GLI3: variants seen among roughly 807,000 people sequenced by gnomAD.
The protein encoded by GLI3 is transcription activator GLI3.
A neutral mutation model predicts 100.8 loss-of-function variants in GLI3; 20 were observed. That is an observed-to-expected ratio of 0.20 (90% confidence interval 0.14 to 0.29). The LOEUF (loss-of-function observed/expected upper bound fraction) is 0.29. Among genes scored for constraint, GLI3 ranks in the 10% least tolerant of loss-of-function variants. GLI3 has a pLI of 1.00. For synonymous variants in GLI3, 938 were observed against 860.5 expected, an observed-to-expected ratio of 1.09 and a Z score of -1.58; for missense variants, 2,040 against 2,128.5, an observed-to-expected ratio of 0.96 and a Z score of 0.82.
At chr7:42,261,714 A>T (rs1045078492) in intron 1 of GLI3, among the ~76,000 whole-genome samples, 1 of 152,244 alleles carries the variant, frequency 6.6e-6, no homozygotes, top group African/African-American at 2.4e-5. Context: ...AGACTGCAGG[A>T]TGAGGCAGTG....
chr7:42,030,650 C>A (rs1009235458), intron 7 of GLI3, among the ~76,000 whole-genome samples: 2 of 150,528 alleles, frequency 1.3e-5, no homozygotes, highest in African/African-American at 4.9e-5. Flanking sequence ...TTCATGTATT[C>A]ATTCCACAAT....
At chr7:41,976,053 C>T in intron 12 of GLI3, among the ~76,000 whole-genome samples, 1 of 152,138 alleles carries the variant, frequency 6.6e-6, no homozygotes, top group East Asian at 1.9e-4. Flanking sequence ...AGAATATCTT[C>T]ACCACCCCAA....
At position 41,965,253 on chromosome 7, in the gene GLI3, C is replaced by A. The variant is rs1288586938; in HGVS notation, c.3820G>T (p.Ala1274Ser). 1 of 1,613,582 alleles carries A rather than the reference C, an allele frequency of 6.2e-7. No individual in the cohort carries two copies. Among genetic ancestry groups the A allele is most frequent in the East Asian group, 2.2e-5 (1 of 44,876 alleles). ...APGALDGACG[A>S]GIQASKLKST... ...TTCAGCTTTGAGGCTTGAATCCCGG[C>A]ACCACAGGCACCGTCGAGTGCACCA... The change falls in exon 15 of 15, where the codon GCC (alanine) becomes TCC (serine). Residue 1274 changes from alanine to serine, a missense_variant. Physicochemically the swap from Ala to Ser is moderately conservative, Grantham distance 99. Around this residue, in one of 5 missense-constraint regions of GLI3, gnomAD observed 1,041 missense variants for 924.0 expected, o/e 1.13. Transcript: ENST00000395925.
chr7:42,187,074 G>A (rs371177440), intron 2 of GLI3, among the ~76,000 whole-genome samples: 51 of 151,860 alleles, frequency 3.4e-4, no homozygotes, highest in East Asian at 3.3e-3. Context: ...AGCTGGGTGC[G>A]TTGGCACAGG....
At chr7:41,998,589 C>T (rs930122734) in intron 10 of GLI3, among the ~76,000 whole-genome samples, 8 of 152,132 alleles carry the variant, frequency 5.3e-5, no homozygotes, top group African/African-American at 1.7e-4. Flanking sequence ...AAATCCATTA[C>T]TCCTAGTAAG....
At chr7:42,055,992 C>T (rs540226351) in intron 4 of GLI3, among the ~76,000 whole-genome samples, 1 of 152,156 alleles carries the variant, frequency 6.6e-6, no homozygotes, top group East Asian at 1.9e-4. Context: ...TTGAATGGGT[C>T]TCATGAGATC....
chr7:42,090,837 A>G (rs1785201648), intron 3 of GLI3, among the ~76,000 whole-genome samples: 1 of 152,248 alleles, frequency 6.6e-6, no homozygotes, highest in Admixed American at 6.5e-5. Flanking sequence ...CACTCTTCAT[A>G]TATTTTCTTG....
intron 2 of GLI3, among the ~76,000 whole-genome samples, chr7:42,204,325 T>C (rs1788106417): frequency 6.6e-6 from 1 of 152,072 alleles, no homozygotes; most frequent in African/African-American, 2.4e-5. Context: ...TTGCTTCTAC[T>C]GCTCTCTCAA....
At chr7:42,258,662 A>G (rs554688391) in intron 1 of GLI3, among the ~76,000 whole-genome samples, 4 of 152,352 alleles carry the variant, frequency 2.6e-5, no homozygotes, top group African/African-American at 9.6e-5. Flanking sequence ...GCAAGGTGCC[A>G]CAATGACTTC....
At chr7:42,208,691 GAACTAT>G (rs1253459184) in intron 2 of GLI3, among the ~76,000 whole-genome samples, 1 of 152,144 alleles carries the variant, frequency 6.6e-6, no homozygotes, top group African/African-American at 2.4e-5. Flanking sequence ...AAGCCATGAT[GAACTAT>G]AACTACATAA....
intron 2 of GLI3, among the ~76,000 whole-genome samples, chr7:42,181,504 C>T (rs1787592641): frequency 6.6e-6 from 1 of 151,958 alleles, no homozygotes; most frequent in Non-Finnish European, 1.5e-5. Context: ...ACATGGGAGG[C>T]TTAGGTGGGA....
At chr7:42,000,942 T>C (rs1397493125) in intron 10 of GLI3, among the ~76,000 whole-genome samples, 1 of 151,948 alleles carries the variant, frequency 6.6e-6, no homozygotes, top group Non-Finnish European at 1.5e-5. Context: ...CATTAAAACA[T>C]TTTAAGAAAA....
intron 1 of GLI3, among the ~76,000 whole-genome samples, chr7:42,234,686 A>G (rs1443181765): frequency 2.0e-5 from 3 of 152,100 alleles, no homozygotes; most frequent in South Asian, 2.1e-4. Flanking sequence ...TACAATCTAT[A>G]TCTTTAAAGT....
intron 2 of GLI3, among the ~76,000 whole-genome samples, chr7:42,162,834 C>T (rs995614723): frequency 3.3e-5 from 5 of 152,148 alleles, no homozygotes; most frequent in African/African-American, 1.2e-4. Context: ...GCAGCTTCTC[C>T]TTGGCTCCCA....
At position 41,965,265 on chromosome 7, in the gene GLI3, C is replaced by A. The variant is rs747928273; in HGVS notation, c.3808G>T (p.Gly1270Cys). Residue 1270 changes from glycine to cysteine, a missense_variant, in exon 15 of 15, where the codon GGT becomes TGT. Transcript: ENST00000395925. ...GCTTGAATCCCGGCACCACAGGCAC[C>A]GTCGAGTGCACCAGGGGCCACTGGC... ...RQPVAPGALDGACGAGIQASK... is the reference protein window; with the variant it reads ...RQPVAPGALDCACGAGIQASK... The A allele has an allele frequency of 6.2e-7, 1 of 1,613,632 alleles. No individual in the cohort carries two copies. The highest frequency in any genetic ancestry group is 1.7e-5 in the Admixed American group (1 of 60,022).
chr7:42,252,182 C>T (rs1044441178), intron 1 of GLI3, among the ~76,000 whole-genome samples: 16 of 43,096 alleles, frequency 3.7e-4, no homozygotes, highest in Admixed American at 2.7e-4. Context: ...AATGAGATCA[C>T]GTCTTGTGAG....
intron 10 of GLI3, among the ~76,000 whole-genome samples, chr7:41,980,270 C>G (rs1169102197): frequency 6.6e-6 from 1 of 152,206 alleles, no homozygotes; most frequent in African/African-American, 2.4e-5. Context: ...TGCTCCATGT[C>G]AGTGTTTCTT....
chr7:42,133,877 T>G (rs956852729), intron 3 of GLI3, among the ~76,000 whole-genome samples: 1 of 151,602 alleles, frequency 6.6e-6, no homozygotes, highest in Non-Finnish European at 1.5e-5. Context: ...AGGTCAGGAG[T>G]TCGAGACTAG....
At chr7:42,050,857 G>C (rs142779534) in intron 4 of GLI3, among the ~76,000 whole-genome samples, 3 of 152,204 alleles carry the variant, frequency 2.0e-5, no homozygotes, top group African/African-American at 7.2e-5. Flanking sequence ...TATCCCTAGA[G>C]GTCCAAATTC....
Sources: allele counts gnomAD v4.1 joint callset (sites outside exome capture counted in the v4.1 genomes callset), GRCh38; gene constraint gnomAD v4.1.1; regional missense constraint gnomAD v4.1.1; transcripts MANE v1.5; gene names NCBI Gene and HGNC (gene_info 2026-07-23, HGNC 2026-07-21).